The following FAM184A variants were observed in gnomAD, a reference collection of about 807,000 sequenced individuals.
FAM184A encodes family with sequence similarity 184 member A.
A neutral mutation model predicts 143.8 loss-of-function variants in FAM184A; 99 were observed. The observed-to-expected ratio is 0.69, with a 90% CI of 0.58 to 0.81. The LOEUF (loss-of-function observed/expected upper bound fraction) is 0.81, where lower values mean the gene tolerates loss of function less well. FAM184A is among the 40% of genes least tolerant of loss of function. FAM184A has a pLI of 0.00. For missense variants in FAM184A, 1,217 were observed against 1,310.5 expected (o/e 0.93, Z 1.10); for synonymous variants, 427 against 446.4 (o/e 0.96, Z 0.55).
intron 1 of FAM184A, among the ~76,000 whole-genome samples, chr6:119,117,078 TGC>T (rs1789080556): frequency 6.6e-6 from 1 of 152,200 alleles, no homozygotes; most frequent in African/African-American, 2.4e-5. Context: ...AACTACCAGG[TGC>T]GACCAGCAGG....
chr6:119,050,462 T>A lies in FAM184A; in HGVS notation c.160-25649A>T, dbSNP rs67320468. Among the ~76,000 whole-genome samples, 1,056 of 107,288 alleles carry A rather than the reference T, an allele frequency of 9.8e-3. 8 individuals are homozygous for A. The highest frequency in any genetic ancestry group is 0.031 in the African/African-American group (888 of 28,990). 70.4% of individuals were successfully genotyped at this position (107,288 alleles called of 152,430 possible). A position where few individuals can be genotyped will look rare whatever the true frequency, so the allele number is the denominator to read the frequency against. The stretch of plus-strand genomic sequence containing the variant: ...TTAATGACAGATTGGGTTTTTTTTT[T>A]AAAAAAAGGGTACATATACACCACA... On this transcript the variant is annotated intron_variant, in intron 1 of 17. Coordinates refer to ENST00000338891, the MANE Select transcript of FAM184A (RefSeq NM_024581.6).
At chr6:118,999,549 T>C (rs892160691) in intron 9 of FAM184A, among the ~76,000 whole-genome samples, 6 of 152,212 alleles carry the variant, frequency 3.9e-5, no homozygotes, top group African/African-American at 1.2e-4. Flanking sequence ...AAAACCTTTA[T>C]ATTTTTGTCA....
intron 7 of FAM184A, chr6:119,006,129 A>G (rs1784909435): frequency 2.6e-6 from 2 of 765,258 alleles, no homozygotes; most frequent in Non-Finnish European, 4.8e-6. Flanking sequence ...ATAGGCAGAG[A>G]TGGAAATTAT....
intron 1 of FAM184A, among the ~76,000 whole-genome samples, chr6:119,052,736 G>C (rs1013146398): frequency 4.6e-5 from 7 of 152,208 alleles, no homozygotes; most frequent in Non-Finnish European, 1.0e-4. Context: ...AGGCAGGAGA[G>C]GAAGCAGCAC....
At chr6:119,081,437 C>T (rs1266240977), upstream of FAM184A, among the ~76,000 whole-genome samples, 2 of 152,142 alleles carry the variant, frequency 1.3e-5, no homozygotes, top group African/African-American at 4.8e-5. Flanking sequence ...GACCCCAAAG[C>T]AGTGTCTAGG....
intron 17 of FAM184A, chr6:118,960,658 G>A (rs1489498483): frequency 4.7e-6 from 2 of 430,002 alleles, no homozygotes; most frequent in South Asian, 4.6e-5. Flanking sequence ...CCAGGAAAGG[G>A]AGAACACTAA....
chr6:119,096,103 C>T (rs1430365168), intron 1 of FAM184A, among the ~76,000 whole-genome samples: 1 of 152,152 alleles, frequency 6.6e-6, no homozygotes, highest in African/African-American at 2.4e-5. Context: ...AAAAAAATCA[C>T]CCCTTTGAGG....
intron 1 of FAM184A, among the ~76,000 whole-genome samples, chr6:119,147,398 A>G (rs1212475454): frequency 6.6e-6 from 1 of 151,958 alleles, no homozygotes; most frequent in Non-Finnish European, 1.5e-5. Flanking sequence ...CCTTTTGCCA[A>G]TTCCAACTCC....
rs549305459 is a variant in FAM184A, at chr6:119,050,702, G to A, written c.160-25889C>T. On this transcript the variant is annotated intron_variant, in intron 1 of 17. Transcript: ENST00000338891. ...GCGCTGTAGTCCCAGCTACTCGGGA[G>A]GTTGAGGCAGGAGAATGGCGTGAAC... Among the ~76,000 whole-genome samples the A allele has an allele frequency of 2.8e-4, 43 of 152,250 alleles. No individual in the cohort carries two copies. In the South Asian group the frequency reaches 8.1e-3, roughly 29 times the overall value.
chr6:119,073,726 G>A (rs1398195108), intron 1 of FAM184A, among the ~76,000 whole-genome samples: 2 of 152,206 alleles, frequency 1.3e-5, no homozygotes, highest in African/African-American at 2.4e-5. Flanking sequence ...TGTGCCTCAA[G>A]CACTTTGAAG....
intron 1 of FAM184A, among the ~76,000 whole-genome samples, chr6:119,072,158 A>G (rs139889859): frequency 4.3e-4 from 66 of 152,268 alleles, no homozygotes; most frequent in African/African-American, 1.5e-3. Flanking sequence ...CAGGGCACCC[A>G]ACCTAAACCT....
intron 1 of FAM184A, among the ~76,000 whole-genome samples, chr6:119,108,871 C>G (rs868029461): frequency 6.6e-6 from 1 of 152,162 alleles, no homozygotes; most frequent in Non-Finnish European, 1.5e-5. Flanking sequence ...GTGACTTCTA[C>G]TCAACTTCCA....
intron 5 of FAM184A, 25 bp downstream of exon 5, chr6:119,016,722 A>G (rs372948498): frequency 1.7e-4 from 272 of 1,556,840 alleles, no homozygotes; most frequent in Non-Finnish European, 2.3e-4. Flanking sequence ...TTTACAATGC[A>G]ATGATAAATT....
At chr6:118,990,464 G>A (rs1459857434) in intron 9 of FAM184A, among the ~76,000 whole-genome samples, 2 of 152,210 alleles carry the variant, frequency 1.3e-5, no homozygotes, top group African/African-American at 4.8e-5. Flanking sequence ...GTGACCTCAA[G>A]TGAGCTTACA....
At chr6:119,038,753 G>A (rs117327315) in intron 1 of FAM184A, among the ~76,000 whole-genome samples, 2,483 of 152,128 alleles carry the variant, frequency 0.016, 29 homozygotes, top group South Asian at 0.028. Context: ...ACTACGGACC[G>A]GCCCTGAATT....
At chr6:118,999,617 A>G (rs12529321) in intron 9 of FAM184A, among the ~76,000 whole-genome samples, 21,436 of 152,206 alleles carry the variant, frequency 0.14, 1,586 homozygotes, top group South Asian at 0.18. Flanking sequence ...GGCCTCCTCA[A>G]TGAAACCTTC....
chr6:119,004,117 C>T (rs949338356), intron 7 of FAM184A, among the ~76,000 whole-genome samples: 3 of 152,136 alleles, frequency 2.0e-5, no homozygotes, highest in Non-Finnish European at 4.4e-5. Flanking sequence ...ACTAGTGGTC[C>T]GTGTGTTCAT....
At chr6:119,094,580 C>G (rs1788456623) in intron 1 of FAM184A, among the ~76,000 whole-genome samples, 1 of 152,206 alleles carries the variant, frequency 6.6e-6, no homozygotes, top group Non-Finnish European at 1.5e-5. Context: ...GTGAGTAAAC[C>G]TGTTCCAGAA....
chr6:118,977,353 C>A (rs756982229), intron 11 of FAM184A, among the ~76,000 whole-genome samples: 15 of 152,094 alleles, frequency 9.9e-5, no homozygotes, highest in Non-Finnish European at 1.9e-4. Flanking sequence ...AGGCCGAGAC[C>A]CGTAGATCAC....
Sources: allele counts gnomAD v4.1 joint callset (sites outside exome capture counted in the v4.1 genomes callset), GRCh38; gene constraint gnomAD v4.1.1; transcripts MANE v1.5; gene names NCBI Gene and HGNC (gene_info 2026-07-23, HGNC 2026-07-21).